The following FRRS1 variants were observed in gnomAD, a reference collection of about 807,000 sequenced individuals.
FRRS1 encodes ferric reductase 1.
Under a neutral mutation model 70.7 loss-of-function variants are expected in FRRS1, and 51 were observed. The observed-to-expected ratio is 0.72, with a 90% CI of 0.58 to 0.91. The LOEUF is 0.91. Ranked by LOEUF, FRRS1 falls within the 40% of genes least tolerant of loss-of-function variation. The probability of loss-of-function intolerance (pLI) is 0.00; values close to 1 mark genes in which losing one functional copy is unlikely to be tolerated. For synonymous variants in FRRS1, 225 were observed against 238.7 expected, an observed-to-expected ratio of 0.94 and a Z score of 0.53; for missense variants, 672 against 726.0, an observed-to-expected ratio of 0.93 and a Z score of 0.86.
At chr1:99,748,240 T>C in intron 3 of FRRS1, 1 of 170,636 alleles carries the variant, frequency 5.9e-6, no homozygotes, top group Non-Finnish European at 1.2e-5. Flanking sequence ...TAGAGAATTG[T>C]TCTTAAAATT....
chr1:99,764,670 C>A (rs975154993), intron 1 of FRRS1, among the ~76,000 whole-genome samples: 4 of 152,188 alleles, frequency 2.6e-5, no homozygotes, highest in African/African-American at 9.7e-5. Context: ...TTAATGTAAT[C>A]CAGCAGGCAC....
At chr1:99,742,116 A>G in intron 5 of FRRS1, 63 bp downstream of exon 5, 1 of 1,017,914 alleles carries the variant, frequency 9.8e-7, no homozygotes, top group South Asian at 1.4e-5. Context: ...GGCATCCCAA[A>G]GTGCTGGGAT....
chr1:99,748,480 A>T, intron 3 of FRRS1, 93 bp downstream of exon 3: 2 of 1,046,354 alleles, frequency 1.9e-6, no homozygotes, highest in Non-Finnish European at 2.9e-6. Flanking sequence ...AAACAGATTT[A>T]AGTGAAATCT....
At chr1:99,738,328 T>C in intron 6 of FRRS1, 60 bp from the exon 7 acceptor site, 1 of 1,297,018 alleles carries the variant, frequency 7.7e-7, no homozygotes. Flanking sequence ...TCATTGGCAA[T>C]GACAGAAGAA....
chr1:99,755,247 T>C (rs1273255482), intron 1 of FRRS1, among the ~76,000 whole-genome samples: 5 of 140,634 alleles, frequency 3.6e-5, no homozygotes, highest in African/African-American at 1.5e-4. Context: ...AGTGAGACCC[T>C]GTCTCTCCAA....
intron 12 of FRRS1, among the ~76,000 whole-genome samples, chr1:99,712,999 G>A (rs1350941046): frequency 6.6e-6 from 1 of 152,130 alleles, no homozygotes; most frequent in East Asian, 1.9e-4. Flanking sequence ...AGCCCAGCTG[G>A]GACTCAGTTA....
intron 7 of FRRS1, among the ~76,000 whole-genome samples, chr1:99,731,760 A>G (rs1163005438): frequency 6.6e-6 from 1 of 152,242 alleles, no homozygotes; most frequent in Non-Finnish European, 1.5e-5. Context: ...CAGAGACCAT[A>G]TTGCCCACGA....
At chr1:99,719,493 AG>A (rs1373874896) in intron 10 of FRRS1, 40 bp downstream of exon 10, 1 of 976,036 alleles carries the variant, frequency 1.0e-6, no homozygotes, top group Non-Finnish European at 1.7e-6. Flanking sequence ...CTGAGTCAGC[AG>A]GTAAGTTGAT....
Position 99,709,019 on chromosome 1 carries a change from TTTGC to T in FRRS1, c.*5_*8del. The T allele has an allele frequency of 6.2e-7, 1 of 1,614,012 alleles. No homozygotes were observed. Among genetic ancestry groups the T allele is most frequent in the Non-Finnish European group, 8.5e-7 (1 of 1,179,956 alleles). On this transcript the variant is annotated 3_prime_UTR_variant, in exon 17 of 17. Transcript: ENST00000646001. ...CACTTGGCCTGCAAAAGCCAAGGTC[TTTGC>T]TTGCTCATAGATGGTTGATTGCAGA...
intron 1 of FRRS1, among the ~76,000 whole-genome samples, chr1:99,753,360 T>C (rs1399600012): frequency 3.3e-5 from 5 of 151,654 alleles, no homozygotes; most frequent in Non-Finnish European, 7.4e-5. Context: ...GTCTTTTTCT[T>C]TTTTTAATAA....
chr1:99,764,115 T>C (rs1657245902), intron 1 of FRRS1, among the ~76,000 whole-genome samples: 1 of 152,214 alleles, frequency 6.6e-6, no homozygotes, highest in Non-Finnish European at 1.5e-5. Context: ...TTGTTTTAAG[T>C]ACTTTGCAAG....
At position 99,708,880 on chromosome 1, in the gene FRRS1, C is replaced by G; in HGVS notation, c.*148G>C. On this transcript the variant is annotated 3_prime_UTR_variant, in exon 17 of 17. Coordinates refer to ENST00000646001, the MANE Select transcript of FRRS1 (RefSeq NM_001361041.2). ...CCTCTTGAATGTTGTTCTCTAAAGG[C>G]TGGACTTCAGAATTCCTCTACAGAC... The G allele has an allele frequency of 6.4e-7, 1 of 1,562,582 alleles. No individual in the cohort carries two copies. Among genetic ancestry groups the G allele is most frequent in the Non-Finnish European group, 8.8e-7 (1 of 1,133,678 alleles).
chr1:99,742,821 T>A (rs1656040675), intron 4 of FRRS1, among the ~76,000 whole-genome samples: 1 of 152,200 alleles, frequency 6.6e-6, no homozygotes, highest in Non-Finnish European at 1.5e-5. Flanking sequence ...CTGCTATGCT[T>A]CCCACTCACT....
At chr1:99,759,065 T>C (rs1252090522) in intron 1 of FRRS1, among the ~76,000 whole-genome samples, 1 of 152,188 alleles carries the variant, frequency 6.6e-6, no homozygotes, top group Non-Finnish European at 1.5e-5. Context: ...CGGCTGAACA[T>C]AGACCCTTAT....
chr1:99,740,641 G>A, intron 6 of FRRS1, 152 bp downstream of exon 6: 1 of 613,080 alleles, frequency 1.6e-6, no homozygotes, highest in Non-Finnish European at 3.0e-6. Flanking sequence ...CTATAAAAAT[G>A]TTACTAAAGC....
At chr1:99,732,112 AG>A (rs1655420124) in intron 7 of FRRS1, among the ~76,000 whole-genome samples, 1 of 152,248 alleles carries the variant, frequency 6.6e-6, no homozygotes, top group South Asian at 2.1e-4. Flanking sequence ...AATCAATACA[AG>A]TAGACCTCCC....
chr1:99,742,687 A>T (rs1257850469), intron 4 of FRRS1, among the ~76,000 whole-genome samples: 1 of 152,212 alleles, frequency 6.6e-6, no homozygotes, highest in Non-Finnish European at 1.5e-5. Context: ...CTTTCTCCAG[A>T]ACAATCTTGT....
At chr1:99,741,674 C>T (rs552832842) in intron 5 of FRRS1, among the ~76,000 whole-genome samples, 4 of 152,256 alleles carry the variant, frequency 2.6e-5, no homozygotes, top group Non-Finnish European at 5.9e-5. Context: ...TAAGAGTCAT[C>T]CAAATTTCAA....
chr1:99,743,370 AT>A (rs1188925637), intron 4 of FRRS1, among the ~76,000 whole-genome samples: 3 of 152,208 alleles, frequency 2.0e-5, no homozygotes, highest in African/African-American at 4.8e-5. Context: ...TTATATACAG[AT>A]TTTTTTTCAA....
Sources: allele counts gnomAD v4.1 joint callset (sites outside exome capture counted in the v4.1 genomes callset), GRCh38; gene constraint gnomAD v4.1.1; transcripts MANE v1.5; gene names NCBI Gene and HGNC (gene_info 2026-07-23, HGNC 2026-07-21).